The following CALN1 variants were observed in gnomAD, a reference collection of about 807,000 sequenced individuals.
The protein encoded by CALN1 is calcium-binding protein 8.
A neutral mutation model predicts 30.6 loss-of-function variants in CALN1; 17 were observed. The ratio of observed to expected loss-of-function variants is 0.56; its 90% CI spans 0.38 to 0.83. The LOEUF (loss-of-function observed/expected upper bound fraction) is 0.83. Among genes scored for constraint, CALN1 ranks in the 40% least tolerant of loss-of-function variants. CALN1 has a pLI of 0.00. For missense variants in CALN1, 291 were observed against 354.9 expected (o/e 0.82, Z 1.45); for synonymous variants, 156 against 131.4 (o/e 1.19, Z -1.28).
chr7:72,287,371 T>G (rs1335241244), intron 2 of CALN1, among the ~76,000 whole-genome samples: 1 of 151,784 alleles, frequency 6.6e-6, no homozygotes, highest in South Asian at 2.1e-4. Context: ...TTTTGCAACC[T>G]GCATGGTTCA....
At chr7:72,342,038 G>C (rs10216196) in intron 2 of CALN1, among the ~76,000 whole-genome samples, 31,014 of 151,858 alleles carry the variant, frequency 0.2, 4,059 homozygotes, top group East Asian at 0.4. Flanking sequence ...GATTACTGGA[G>C]GTTGGGAATT....
chr7:72,173,751 TAAAC>T (rs998458419), intron 3 of CALN1, among the ~76,000 whole-genome samples: 29 of 152,042 alleles, frequency 1.9e-4, no homozygotes, highest in Admixed American at 9.8e-4. Flanking sequence ...GAGAAAGAAA[TAAAC>T]AACCATTTTT....
At chr7:71,984,810 T>C (rs543778256) in intron 5 of CALN1, among the ~76,000 whole-genome samples, 1 of 152,328 alleles carries the variant, frequency 6.6e-6, no homozygotes, top group South Asian at 2.1e-4. Flanking sequence ...CACACCTGAA[T>C]GACTCTGGCT....
Position 71,848,604 on chromosome 7 carries a change from T to G in CALN1, c.502-38112A>C, listed in dbSNP as rs1215652409. Among the ~76,000 whole-genome samples the G allele has an allele frequency of 2.0e-5, 3 of 152,194 alleles. No individual in the cohort carries two copies. In the East Asian group the frequency reaches 5.8e-4, roughly 29 times the overall value. On this transcript the variant is annotated intron_variant, in intron 5 of 6. Coordinates refer to ENST00000395275, the MANE Select transcript of CALN1 (RefSeq NM_031468.4). ...AAGCTTAAAAGCCATCTGTTTTGTG[T>G]TCTCAATGAAACACACACACACATA...
chr7:72,274,790 A>G (rs952059444), intron 3 of CALN1, among the ~76,000 whole-genome samples: 3 of 152,162 alleles, frequency 2.0e-5, no homozygotes, highest in Non-Finnish European at 2.9e-5. Flanking sequence ...ATAAAAATGG[A>G]TGAATGAATG....
chr7:72,424,638 C>T (rs912071274), intron 1 of CALN1, among the ~76,000 whole-genome samples: 3 of 151,816 alleles, frequency 2.0e-5, no homozygotes, highest in African/African-American at 7.3e-5. Context: ...ACTGTATCAC[C>T]CAAGCTGGAA....
intron 3 of CALN1, among the ~76,000 whole-genome samples, chr7:72,133,007 C>T (rs944745161): frequency 2.0e-5 from 3 of 152,070 alleles, no homozygotes; most frequent in African/African-American, 7.2e-5. Context: ...CTAGGTTGGG[C>T]ACTCTTTATG....
intron 2 of CALN1, among the ~76,000 whole-genome samples, chr7:72,353,153 G>A (rs529710874): frequency 8.7e-4 from 132 of 152,214 alleles, no homozygotes; most frequent in Middle Eastern, 3.4e-3. Context: ...TGGTTTCTCT[G>A]GTGAATTCTA....
chr7:72,457,782 G>T, the CALN1 span, among the ~76,000 whole-genome samples: 12 of 149,442 alleles, frequency 8.0e-5, no homozygotes, highest in African/African-American at 1.5e-4. Flanking sequence ...TTGAGACAGG[G>T]TCTCACTCTG....
chr7:72,495,395 A>C, the CALN1 span, among the ~76,000 whole-genome samples: 1 of 152,292 alleles, frequency 6.6e-6, no homozygotes, highest in South Asian at 2.1e-4. Context: ...AGTTAGTTAA[A>C]AATAGCAACC....
At chr7:72,495,142 T>C in the CALN1 span, among the ~76,000 whole-genome samples, 3 of 152,186 alleles carry the variant, frequency 2.0e-5, no homozygotes, top group East Asian at 1.9e-4. Context: ...AGTCTGACCA[T>C]TGCGTGATGA....
intron 5 of CALN1, among the ~76,000 whole-genome samples, chr7:71,997,192 C>T (rs994408796): frequency 6.6e-6 from 1 of 151,666 alleles, no homozygotes; most frequent in Non-Finnish European, 1.5e-5. Flanking sequence ...ATGACTGCAC[C>T]ACTGCTCTCC....
intron 2 of CALN1, among the ~76,000 whole-genome samples, chr7:72,370,316 C>T (rs975780986): frequency 2.0e-5 from 3 of 151,926 alleles, no homozygotes; most frequent in Admixed American, 6.6e-5. Flanking sequence ...GTCTTTTACC[C>T]ATCTTTAAAT....
chr7:72,278,887 C>G, intron 2 of CALN1, 77 bp from the exon 3 acceptor site: 4 of 1,545,078 alleles, frequency 2.6e-6, no homozygotes, highest in East Asian at 2.3e-5. Flanking sequence ...AAAGGACCAT[C>G]TGATTTTCAG....
intron 3 of CALN1, among the ~76,000 whole-genome samples, chr7:72,141,310 G>A (rs1463850788): frequency 6.6e-6 from 1 of 151,308 alleles, no homozygotes; most frequent in Non-Finnish European, 1.5e-5. Context: ...AAAAGAAAAA[G>A]AAAAAAAGGC....
intron 5 of CALN1, among the ~76,000 whole-genome samples, chr7:71,908,683 T>A (rs965918233): frequency 6.6e-6 from 1 of 152,208 alleles, no homozygotes; most frequent in African/African-American, 2.4e-5. Context: ...CTCTACCATA[T>A]CCTCCAAAAA....
intron 5 of CALN1, among the ~76,000 whole-genome samples, chr7:71,853,998 C>G (rs139532659): frequency 1.3e-5 from 2 of 152,248 alleles, no homozygotes; most frequent in Non-Finnish European, 2.9e-5. Flanking sequence ...TTTTCTTCCA[C>G]AATCCACATA....
In CALN1 at chr7:72,138,858, T is replaced by C. The variant is rs150077663; in HGVS notation, c.245-32564A>G. On this transcript the variant is annotated intron_variant, in intron 3 of 6. Transcript: ENST00000395275. ...AGGAAGTTATCTCAATGGAAAAACATGCTGGAACACATTTTACCTCTGGAG... is the reference window on the plus strand; with the variant it reads ...AGGAAGTTATCTCAATGGAAAAACACGCTGGAACACATTTTACCTCTGGAG... 1.6e-3 allele frequency among the ~76,000 whole-genome samples: 245 copies of C among 151,994 alleles called. 1 individual carries two copies. The highest frequency in any genetic ancestry group is 5.6e-3 in the African/African-American group (234 of 41,464).
intron 4 of CALN1, among the ~76,000 whole-genome samples, chr7:72,065,109 TTA>T (rs529758001): frequency 0.027 from 3,986 of 148,106 alleles, 72 homozygotes; most frequent in Middle Eastern, 0.05. Context: ...TAAAATATAT[TTA>T]TGTTAATATA....
Sources: gnomAD v4.1 joint callset for allele counts (sites outside exome capture counted in the v4.1 genomes callset) on GRCh38, gnomAD v4.1.1 for gene constraint, MANE v1.5 for transcripts, NCBI Gene and HGNC (gene_info 2026-07-23, HGNC 2026-07-21) for gene names.